The following PLIN4 variants were observed in gnomAD, a reference collection of about 807,000 sequenced individuals.
PLIN4 encodes perilipin-4.
In PLIN4, 57 loss-of-function variants were observed where a neutral mutation model predicts 52.4. The observed-to-expected ratio is 1.09, with a 90% CI of 0.88 to 1.36. PLIN4 has a LOEUF of 1.36. Ranked by LOEUF, PLIN4 falls within the 40% of genes most tolerant of loss-of-function variation. PLIN4 has a pLI of 0.00. For synonymous variants in PLIN4, 826 were observed against 785.4 expected (o/e 1.05, Z -0.86); for missense variants, 1,757 against 1,770.3 (o/e 0.99, Z 0.13).
intron 4 of PLIN4, among the ~76,000 whole-genome samples, chr19:4,516,163 C>T (rs1976576706): frequency 6.6e-6 from 1 of 152,140 alleles, no homozygotes; most frequent in Non-Finnish European, 1.5e-5. Flanking sequence ...ACTTGTAGTC[C>T]CAGCTACTCA....
At chr19:4,504,969 G>T in intron 6 of PLIN4, 22 bp from the exon 7 acceptor site, 1 of 1,581,424 alleles carries the variant, frequency 6.3e-7, no homozygotes. Context: ...GTACAGTGGG[G>T]AAATGATGGC....
At chr19:4,506,338 A>T (rs1369909455) in intron 6 of PLIN4, among the ~76,000 whole-genome samples, 3 of 152,108 alleles carry the variant, frequency 2.0e-5, no homozygotes, top group Non-Finnish European at 4.4e-5. Context: ...CTCCGCTCAG[A>T]TCACACTCCT....
In PLIN4 at chr19:4,513,445, A is replaced by C. The variant is rs1976494383; in HGVS notation, c.515T>G (p.Val172Gly). 1 of 1,613,322 alleles carries C rather than the reference A, an allele frequency of 6.2e-7. No homozygotes were observed. The highest frequency in any genetic ancestry group is 1.3e-5 in the African/African-American group (1 of 74,914). The stretch of plus-strand genomic sequence containing the variant: ...CACTGCCCCCGTGAGCCCAGTGGAC[A>C]CCGTGTCCTTGGTGCCGGTGAGGAC... Reference protein sequence around the residue: ...KAVLTGTKDTVSTGLTGAVNV... With the variant: ...KAVLTGTKDTGSTGLTGAVNV... The change falls in exon 5 of 8, where the codon GTG becomes GGG. Residue 172 changes from valine (V) to glycine (G), a missense_variant. Coordinates refer to ENST00000301286, the MANE Select transcript of PLIN4 (RefSeq NM_001367868.2).
intron 4 of PLIN4, among the ~76,000 whole-genome samples, chr19:4,515,009 C>T (rs1289080743): frequency 3.3e-5 from 5 of 151,526 alleles, no homozygotes; most frequent in Admixed American, 6.6e-5. Flanking sequence ...AACCCTGTCT[C>T]TACTAAAAAT....
Position 4,504,483 on chromosome 19 carries a change from G to T in PLIN4, c.4092C>A (p.Phe1364Leu), listed in dbSNP as rs751499535. Reference protein sequence around the residue: ...NPPLSWLVGPFALPAGGQ With the variant: ...NPPLSWLVGPLALPAGGQ ...GCTACTGCCCGCCAGCGGGCAAGGC[G>T]AAGGGCCCTACCAGCCAGCTGAGCG... The change falls in exon 8 of 8, where the codon TTC (phenylalanine) becomes TTA (leucine). Residue 1364 changes from phenylalanine (F) to leucine (L), a missense_variant. Phe to Leu is a conservative substitution (Grantham distance 22). Around this residue, in one of 7 missense-constraint regions of PLIN4, gnomAD observed 712 missense variants for 637.1 expected, o/e 1.12. Transcript: ENST00000301286. 6.3e-7 allele frequency: 1 copy of T among 1,589,390 alleles called. No homozygotes were observed. Among genetic ancestry groups the T allele is most frequent in the Admixed American group, 1.7e-5 (1 of 59,066 alleles).
rs1377828033 is a variant in PLIN4, at chr19:4,502,619, A to G, written c.*1840T>C. The G allele has an allele frequency of 5.0e-6, 1 of 202,004 alleles. No homozygotes were observed. The highest frequency in any genetic ancestry group is 2.4e-5 in the African/African-American group (1 of 41,692). 12.5% of individuals were successfully genotyped at this position (202,004 alleles called of 1,614,324 possible). On this transcript the variant is annotated 3_prime_UTR_variant, in exon 8 of 8. Coordinates refer to ENST00000301286, the MANE Select transcript of PLIN4 (RefSeq NM_001367868.2). Reference sequence around the variant, plus strand: ...CTTCCCTGAGAGCCGCTGCTAGCCGACAGTGGTCTCCAGCGTTCAGGGAGC... The same window carrying G: ...CTTCCCTGAGAGCCGCTGCTAGCCGGCAGTGGTCTCCAGCGTTCAGGGAGC...
In PLIN4 at chr19:4,509,038, G is replaced by A. The variant is rs982065306; in HGVS notation, c.3515-83C>T. On this transcript the variant is annotated intron_variant, in intron 5 of 7. Coordinates refer to ENST00000301286, the MANE Select transcript of PLIN4 (RefSeq NM_001367868.2). ...TAAAAGTCAAGTGAGGGCCGGGCGC[G>A]GCGGTTCCCGCCTGTGATCCCAGCA... The A allele has an allele frequency of 1.9e-5, 26 of 1,357,340 alleles. No individual in the cohort carries two copies. The East Asian group carries it at 2.0e-4, about 10-fold the overall frequency. The allele number at this position is 1,357,340 out of a possible 1,614,324, so 84.1% of individuals were successfully genotyped here. A position where few individuals can be genotyped will look rare whatever the true frequency, so the allele number is the denominator to read the frequency against.
Position 4,512,404 on chromosome 19 carries a change from G to T in PLIN4, c.1556C>A (p.Thr519Asn). The T allele has an allele frequency of 1.2e-6, 2 of 1,608,956 alleles. No individual in the cohort carries two copies. The highest frequency in any genetic ancestry group is 1.7e-6 in the Non-Finnish European group (2 of 1,177,914). Reference sequence around the variant, plus strand: ...GACAGTCTTGGTGGTGTCTACGCCGGTCTGGACGGTCCCTTTGGCCACGTT... The same window carrying T: ...GACAGTCTTGGTGGTGTCTACGCCGTTCTGGACGGTCCCTTTGGCCACGTT... ...AVNVAKGTVQ[T>N]GVDTTKTVLT... Residue 519 changes from threonine (T) to asparagine (N), a missense_variant, in exon 5 of 8, where the codon ACC becomes AAC. Transcript: ENST00000301286.
chr19:4,517,779 C>T, intron 2 of PLIN4, 81 bp from the exon 3 acceptor site: 1 of 1,476,262 alleles, frequency 6.8e-7, no homozygotes, highest in South Asian at 1.3e-5. Context: ...GATTGATCAG[C>T]CCAATGCCGC....
At chr19:4,514,880 T>TAA (rs74173009) in intron 4 of PLIN4, among the ~76,000 whole-genome samples, 3,986 of 140,772 alleles carry the variant, frequency 0.028, 172 homozygotes, top group African/African-American at 0.098. Flanking sequence ...ACCCCATCTT[T>TAA]AAAAAAAAAA....
At position 4,511,350 on chromosome 19, in the gene PLIN4, G is replaced by C; in HGVS notation, c.2610C>G (p.Thr870=). Residue 870 remains threonine (T), a synonymous_variant, in exon 5 of 8, where the codon ACC becomes ACG. Transcript: ENST00000301286. ...GTKNTLGSGV[T]GAAKVAKGAV... ...CCCCTTTGGCCACTTTCGCAGCACC[G>C]GTCACCCCACTGCCAAGGGTGTTCT... 3.1e-6 allele frequency: 5 copies of C among 1,589,906 alleles called. No homozygotes were observed. In the South Asian group the frequency reaches 3.3e-5, roughly 11 times the overall value.
intron 5 of PLIN4, among the ~76,000 whole-genome samples, chr19:4,509,359 G>A (rs1189944684): frequency 6.7e-6 from 1 of 149,254 alleles, no homozygotes; most frequent in Non-Finnish European, 1.5e-5. Context: ...GCTCACGCCC[G>A]TAATCACAGC....
intron 3 of PLIN4, among the ~76,000 whole-genome samples, chr19:4,517,077 G>A (rs112104274): frequency 2.6e-5 from 4 of 152,302 alleles, no homozygotes; most frequent in Admixed American, 6.5e-5. Flanking sequence ...TGGGGCTCTG[G>A]GCCCAGAGGG....
At position 4,506,783 on chromosome 19, in the gene PLIN4, C is replaced by T. The variant is rs541931780; in HGVS notation, c.3703-1836G>A. On this transcript the variant is annotated intron_variant, in intron 6 of 7. Coordinates refer to ENST00000301286, the MANE Select transcript of PLIN4 (RefSeq NM_001367868.2). Reference sequence around the variant, plus strand: ...ATGCTTTGTGATCAGCCGCTTGCAGCGTGCTGCGAGGGTGGGCCCATTCCT... The same window carrying T: ...ATGCTTTGTGATCAGCCGCTTGCAGTGTGCTGCGAGGGTGGGCCCATTCCT... Among the ~76,000 whole-genome samples, 28 of 152,380 alleles carry T rather than the reference C, an allele frequency of 1.8e-4. 1 individual carries two copies. The South Asian group carries it at 2.3e-3, about 12-fold the overall frequency.
intron 4 of PLIN4, among the ~76,000 whole-genome samples, chr19:4,516,125 C>T (rs562730014): frequency 2.0e-4 from 30 of 152,236 alleles, no homozygotes; most frequent in Admixed American, 5.9e-4. Flanking sequence ...ACTAAAAATA[C>T]AAAAATTAGC....
chr19:4,511,806 AC>A lies in PLIN4; in HGVS notation c.2153del (p.Ser718MetfsTer9), dbSNP rs1976374046. 6.3e-7 allele frequency: 1 copy of A among 1,599,054 alleles called. No homozygotes were observed. The highest frequency in any genetic ancestry group is 8.5e-7 in the Non-Finnish European group (1 of 1,174,972). On this transcript the variant is annotated frameshift_variant, in exon 5 of 8. Transcript: ENST00000301286. LOFTEE classifies it high-confidence loss of function. Reference sequence around the variant, plus strand: ...TTAGGACAGTCTTGGTGGTGTCCACACTGGTCTGGACAGTCCCTTTGGCGAC... The same window carrying A: ...TTAGGACAGTCTTGGTGGTGTCCACATGGTCTGGACAGTCCCTTTGGCGAC... ...VNVAKGTVQTSVDTTKTVLTG... is the reference protein window; with the variant it reads ...VNVAKGTVQTXVDTTKTVLTG...
chr19:4,513,909 C>T (rs1026255199), intron 4 of PLIN4, among the ~76,000 whole-genome samples: 1 of 152,224 alleles, frequency 6.6e-6, no homozygotes, highest in South Asian at 2.1e-4. Context: ...CACCCTGGCT[C>T]TCCGGGATGA....
chr19:4,512,081 G>C lies in PLIN4; in HGVS notation c.1879C>G (p.Leu627Val). The C allele has an allele frequency of 2.5e-6, 4 of 1,609,036 alleles. No individual in the cohort carries two copies. Among genetic ancestry groups the C allele is most frequent in the African/African-American group, 1.4e-5 (1 of 72,736 alleles). ...QTGMDTTKTVLTGTKDTIYSG... is the reference protein window; with the variant it reads ...QTGMDTTKTVVTGTKDTIYSG... Reference sequence around the variant, plus strand: ...TAGATGGTGTCCTTGGTACCGGTTAGGACAGTTTTGGTGGTGTCCATGCCT... The same window carrying C: ...TAGATGGTGTCCTTGGTACCGGTTACGACAGTTTTGGTGGTGTCCATGCCT... The change falls in exon 5 of 8, where the codon CTA becomes GTA. Residue 627 changes from leucine to valine, a missense_variant. By Grantham distance (32) the Leu-to-Val change is conservative (BLOSUM62 1). Around this residue, in one of 7 missense-constraint regions of PLIN4, gnomAD observed 439 missense variants for 406.4 expected, o/e 1.08. Coordinates refer to ENST00000301286, the MANE Select transcript of PLIN4 (RefSeq NM_001367868.2).
intron 6 of PLIN4, among the ~76,000 whole-genome samples, chr19:4,505,604 G>C (rs1484753333): frequency 6.6e-6 from 1 of 152,134 alleles, no homozygotes; most frequent in Non-Finnish European, 1.5e-5. Context: ...TCAGGACTCT[G>C]TCCTCGTTGT....
Sources: gnomAD v4.1 joint callset for allele counts (sites outside exome capture counted in the v4.1 genomes callset) on GRCh38, gnomAD v4.1.1 for gene constraint, gnomAD v4.1.1 regional missense constraint, MANE v1.5 for transcripts, NCBI Gene and HGNC (gene_info 2026-07-23, HGNC 2026-07-21) for gene names.